NUFIP2: variants seen among roughly 807,000 people sequenced by gnomAD.
NUFIP2 encodes FMR1-interacting protein NUFIP2.
NUFIP2 carries 6 observed loss-of-function variants against 56.9 expected under a neutral mutation model. The ratio of observed to expected loss-of-function variants is 0.11; its 90% CI spans 0.06 to 0.21. The LOEUF is 0.21. Ranked by LOEUF, NUFIP2 falls within the 10% of genes least tolerant of loss-of-function variation. NUFIP2 has a pLI of 1.00. For synonymous variants in NUFIP2, 321 were observed against 298.2 expected (o/e 1.08, Z -0.79); for missense variants, 828 against 826.8 (o/e 1.00, Z -0.02).
rs2068983538 is a variant in NUFIP2 at position 29,258,564 on chromosome 17, T to C, written c.*5975A>G. 1 of 152,174 alleles carries C rather than the reference T, an allele frequency of 6.6e-6. No homozygotes were observed. The highest frequency in any genetic ancestry group is 2.4e-5 in the African/African-American group (1 of 41,444). 9.4% of individuals were successfully genotyped at this position (152,174 alleles called of 1,614,324 possible). On this transcript the variant is annotated 3_prime_UTR_variant, in exon 4 of 4. Coordinates refer to ENST00000225388, the MANE Select transcript of NUFIP2 (RefSeq NM_020772.3). ...CTCTTTCTGAGGCAGAGAGAGGGAA[T>C]AATAGAAACAAAGCTAAGATTTAAA...
At chr17:29,271,135 G>T (rs977926414) in intron 2 of NUFIP2, among the ~76,000 whole-genome samples, 2 of 152,196 alleles carry the variant, frequency 1.3e-5, no homozygotes, top group Non-Finnish European at 2.9e-5. Context: ...ACCCTTAAAT[G>T]TGAGCTCTAG....
chr17:29,275,668 T>G (rs1275708804), intron 2 of NUFIP2, among the ~76,000 whole-genome samples: 1 of 152,160 alleles, frequency 6.6e-6, no homozygotes, highest in African/African-American at 2.4e-5. Flanking sequence ...CTGGCCTCCT[T>G]TGCCATTACT....
At position 29,259,543 on chromosome 17, in the gene NUFIP2, G is replaced by C. The variant is rs1358554658; in HGVS notation, c.*4996C>G. 7.5e-6 allele frequency: 1 copy of C among 134,062 alleles called. No individual in the cohort carries two copies. Among genetic ancestry groups the C allele is most frequent in the South Asian group, 2.7e-4 (1 of 3,758 alleles). The allele number at this position is 134,062 out of a possible 1,614,324, so 8.3% of individuals were successfully genotyped here. On this transcript the variant is annotated 3_prime_UTR_variant, in exon 4 of 4. Transcript: ENST00000225388. ...TGCAGTGAGCCAAGATTGCGCCACT[G>C]TACTCCAGCCTGGGCAACAGACAGT... is the stretch of plus-strand genomic sequence containing the variant.
At chr17:29,281,564 C>T (rs1337741575) in intron 2 of NUFIP2, among the ~76,000 whole-genome samples, 1 of 151,674 alleles carries the variant, frequency 6.6e-6, no homozygotes, top group Non-Finnish European at 1.5e-5. Flanking sequence ...TGGTGGCATA[C>T]ACCTGTAGTA....
Position 29,286,057 on chromosome 17 carries a change from C to T in NUFIP2, c.1937G>A (p.Gly646Asp). 6.2e-7 allele frequency: 1 copy of T among 1,614,108 alleles called. No homozygotes were observed. The highest frequency in any genetic ancestry group is 8.5e-7 in the Non-Finnish European group (1 of 1,179,950). ...GSAKEQRYQRGLERNDSWGSF... is the reference protein window; with the variant it reads ...GSAKEQRYQRDLERNDSWGSF... ...ACCCCAGCTATCATTCCTTTCTAGG[C>T]CTCTCTGGTATCTCTGTTCTTTGGC... The change falls in exon 2 of 4, where the codon GGC becomes GAC. Residue 646 changes from glycine to aspartate, a missense_variant. Around this residue, in one of 3 missense-constraint regions of NUFIP2, gnomAD observed 404 missense variants for 380.3 expected, o/e 1.06. Coordinates refer to ENST00000225388, the MANE Select transcript of NUFIP2 (RefSeq NM_020772.3).
intron 2 of NUFIP2, among the ~76,000 whole-genome samples, chr17:29,275,042 GAGA>G (rs72185900): frequency 0.13 from 19,261 of 149,978 alleles, 1,346 homozygotes; most frequent in East Asian, 0.29. Context: ...TTGTTTTTTT[GAGA>G]AGGAGTTTCA....
intron 2 of NUFIP2, among the ~76,000 whole-genome samples, chr17:29,279,963 C>T (rs2069130605): frequency 6.6e-6 from 1 of 152,042 alleles, no homozygotes; most frequent in African/African-American, 2.4e-5. Context: ...AGACTACAGG[C>T]CTGCACCACT....
intron 2 of NUFIP2, among the ~76,000 whole-genome samples, chr17:29,278,185 G>A (rs558386718): frequency 1.3e-5 from 2 of 152,142 alleles, no homozygotes; most frequent in South Asian, 2.1e-4. Context: ...TAGAAACTCG[G>A]AACTCAAGTT....
At position 29,286,944 on chromosome 17, in the gene NUFIP2, A is replaced by G. The variant is rs761755415; in HGVS notation, c.1050T>C (p.Ala350=). ...CATAACTTATTTTAGGAACTATTTT[A>G]GCACTGCTATTGTCCACTGGAAAAA... ...PPVFPVDNSS[A]KIVPKISYAS... The change falls in exon 2 of 4, where the codon GCT becomes GCC. Residue 350 remains alanine (A), a synonymous_variant. Coordinates refer to ENST00000225388, the MANE Select transcript of NUFIP2 (RefSeq NM_020772.3). The G allele has an allele frequency of 1.1e-5, 18 of 1,614,078 alleles. No homozygotes were observed. Among genetic ancestry groups the G allele is most frequent in the Non-Finnish European group, 1.4e-5 (17 of 1,180,040 alleles).
chr17:29,278,726 CT>C (rs1462956248), intron 2 of NUFIP2, among the ~76,000 whole-genome samples: 2 of 152,114 alleles, frequency 1.3e-5, no homozygotes, highest in Non-Finnish European at 2.9e-5. Context: ...TTCCCTCACA[CT>C]CAGGACTTAA....
At chr17:29,283,224 C>T (rs1222557050) in intron 2 of NUFIP2, among the ~76,000 whole-genome samples, 3 of 152,204 alleles carry the variant, frequency 2.0e-5, no homozygotes, top group Non-Finnish European at 2.9e-5. Context: ...AGGGAAAATG[C>T]ATAAAGAGTA....
At position 29,261,414 on chromosome 17, in the gene NUFIP2, AC is replaced by A. The variant is rs1230185646; in HGVS notation, c.*3124del. Reference sequence around the variant, plus strand: ...CACACACACATACATACATACATAAACACACACACACACACACACCCCTTTT... The same window carrying A: ...CACACACACATACATACATACATAAAACACACACACACACACACCCCTTTT... On this transcript the variant is annotated 3_prime_UTR_variant, in exon 4 of 4. Transcript: ENST00000225388. 2 of 86,852 alleles carry A rather than the reference AC, an allele frequency of 2.3e-5. No homozygotes were observed. Among genetic ancestry groups the A allele is most frequent in the Admixed American group, 2.0e-4 (2 of 10,136 alleles). The allele number at this position is 86,852 out of a possible 1,614,324, so 5.4% of individuals were successfully genotyped here.
chr17:29,278,726 C>T (rs2069123321), intron 2 of NUFIP2, among the ~76,000 whole-genome samples: 1 of 152,114 alleles, frequency 6.6e-6, no homozygotes, highest in Non-Finnish European at 1.5e-5. Flanking sequence ...TTCCCTCACA[C>T]TCAGGACTTA....
In NUFIP2 at chr17:29,285,863, G is replaced by A; in HGVS notation, c.2002+129C>T. On this transcript the variant is annotated intron_variant, in intron 2 of 3. Transcript: ENST00000225388. ...ACCCTGAATTAGTTTGACACCAGCT[G>A]CTTATCCACATTGTCATTCTCTTAA... 2.9e-6 allele frequency: 2 copies of A among 685,916 alleles called. 1 individual carries two copies. Among genetic ancestry groups the A allele is most frequent in the Non-Finnish European group, 4.7e-6 (2 of 421,092 alleles). The allele number at this position is 685,916 out of a possible 1,614,324, so 42.5% of individuals were successfully genotyped here.
chr17:29,284,615 A>C (rs1454790549), intron 2 of NUFIP2, among the ~76,000 whole-genome samples: 5 of 148,612 alleles, frequency 3.4e-5, no homozygotes, highest in African/African-American at 1.2e-4. Context: ...CTGAGGCAGG[A>C]GAATCACTTG....
At chr17:29,289,409 A>G (rs1312067408) in intron 1 of NUFIP2, among the ~76,000 whole-genome samples, 4 of 152,140 alleles carry the variant, frequency 2.6e-5, no homozygotes, top group Non-Finnish European at 5.9e-5. Context: ...CCTGACCAAC[A>G]TGGTGAAACC....
chr17:29,287,122 C>T lies in NUFIP2; in HGVS notation c.872G>A (p.Arg291Gln), dbSNP rs1371559323. ...KYETGPGGTS[R>Q]GKPAVGDMLR... ...CATATCACCCACAGCAGGTTTTCCT[C>T]GACTTGTTCCTCCAGGCCCAGTTTC... The change falls in exon 2 of 4, where the codon CGA (arginine) becomes CAA (glutamine). Residue 291 changes from arginine to glutamine, a missense_variant. By Grantham distance (43) the Arg-to-Gln change is conservative. Transcript: ENST00000225388. The T allele has an allele frequency of 1.2e-6, 2 of 1,614,118 alleles. No individual in the cohort carries two copies. Among genetic ancestry groups the T allele is most frequent in the Non-Finnish European group, 1.7e-6 (2 of 1,180,020 alleles).
intron 2 of NUFIP2, among the ~76,000 whole-genome samples, chr17:29,285,624 A>T (rs1300374912): frequency 6.6e-6 from 1 of 152,006 alleles, no homozygotes; most frequent in African/African-American, 2.4e-5. Context: ...CAAAAAAGCA[A>T]AGACAAAAAA....
At chr17:29,292,407 ATTT>A (rs35830192) in intron 1 of NUFIP2, among the ~76,000 whole-genome samples, 3 of 140,410 alleles carry the variant, frequency 2.1e-5, no homozygotes, top group Admixed American at 7.1e-5. Context: ...AGGTTTTTGG[ATTT>A]TTTTTTTTTT....
Sources: allele counts gnomAD v4.1 joint callset (sites outside exome capture counted in the v4.1 genomes callset), GRCh38; gene constraint gnomAD v4.1.1; regional missense constraint gnomAD v4.1.1; transcripts MANE v1.5; gene names NCBI Gene and HGNC (gene_info 2026-07-23, HGNC 2026-07-21).